Variants in HMGCLL1 observed in about 807,000 individuals in gnomAD.
HMGCLL1 encodes 3-hydroxymethyl-3-methylglutaryl-CoA lyase, cytoplasmic.
A neutral mutation model predicts 39.1 loss-of-function variants in HMGCLL1; 36 were observed. The observed-to-expected ratio is 0.92, with a 90% CI of 0.71 to 1.22. HMGCLL1 has a LOEUF of 1.22. Ranked by LOEUF, HMGCLL1 falls within the 50% of genes most tolerant of loss-of-function variation. HMGCLL1 has a pLI of 0.00. For synonymous variants in HMGCLL1, 149 were observed against 144.0 expected (o/e 1.03, Z -0.25); for missense variants, 451 against 416.5 (o/e 1.08, Z -0.72).
chr6:55,526,519 A>G (rs1209843052), intron 3 of HMGCLL1, among the ~76,000 whole-genome samples: 1 of 152,066 alleles, frequency 6.6e-6, no homozygotes, highest in African/African-American at 2.4e-5. Context: ...AAGATTTAAT[A>G]AATGATTGTT....
chr6:55,476,044 C>T (rs1264363844), intron 7 of HMGCLL1, among the ~76,000 whole-genome samples: 9 of 151,536 alleles, frequency 5.9e-5, no homozygotes, highest in African/African-American at 1.5e-4. Context: ...TTCCCCTTTT[C>T]GATTGCCTTG....
the HMGCLL1 span, among the ~76,000 whole-genome samples, chr6:55,626,603 G>A: frequency 2.6e-5 from 4 of 152,046 alleles, no homozygotes; most frequent in African/African-American, 7.2e-5. Flanking sequence ...ATCAAGGGGT[G>A]GAAGTAGAAG....
intron 1 of HMGCLL1, among the ~76,000 whole-genome samples, chr6:55,553,172 T>TAC (rs567102870): frequency 0.022 from 1,102 of 49,664 alleles, 8 homozygotes; most frequent in African/African-American, 0.044. Flanking sequence ...TATATATATA[T>TAC]ATACATACAC....
chr6:55,667,357 T>A, the HMGCLL1 span, among the ~76,000 whole-genome samples: 1 of 151,848 alleles, frequency 6.6e-6, no homozygotes, highest in African/African-American at 2.4e-5. Context: ...TTACCAAGTG[T>A]GTACTATGTA....
At chr6:55,471,768 A>G (rs534467373) in intron 7 of HMGCLL1, among the ~76,000 whole-genome samples, 18 of 151,744 alleles carry the variant, frequency 1.2e-4, no homozygotes, top group African/African-American at 4.1e-4. Context: ...AATGTTCACA[A>G]AGTTAAAACA....
At position 55,553,121 on chromosome 6, in the gene HMGCLL1, C is replaced by A. The variant is rs568163827; in HGVS notation, c.109-10981G>T. Among the ~76,000 whole-genome samples the A allele has an allele frequency of 2.7e-5, 4 of 150,266 alleles. No individual in the cohort carries two copies. In the South Asian group the frequency reaches 8.4e-4, roughly 32 times the overall value. On this transcript the variant is annotated intron_variant, in intron 1 of 8. Transcript: ENST00000274901. The stretch of plus-strand genomic sequence containing the variant: ...TCGTGCCATTGCACTCCAGCCTGGG[C>A]AACAAGAGCAAAACTCCATCTCTCT...
chr6:55,566,651 C>T (rs1386323613), intron 1 of HMGCLL1: 1 of 455,866 alleles, frequency 2.2e-6, no homozygotes, highest in African/African-American at 2.0e-5. Flanking sequence ...GTCATGTGAA[C>T]ATGCATATTG....
At chr6:55,615,068 A>G in the HMGCLL1 span, among the ~76,000 whole-genome samples, 1 of 152,098 alleles carries the variant, frequency 6.6e-6, no homozygotes, top group Admixed American at 6.6e-5. Context: ...TTTTGTTGCC[A>G]TTTACCAAAT....
the HMGCLL1 span, among the ~76,000 whole-genome samples, chr6:55,671,010 T>G: frequency 6.6e-6 from 1 of 151,828 alleles, no homozygotes; most frequent in East Asian, 1.9e-4. Context: ...ATATAGGCCT[T>G]AGAGAAAAGA....
chr6:55,573,102 A>G (rs1209737486), intron 1 of HMGCLL1, among the ~76,000 whole-genome samples: 1 of 152,198 alleles, frequency 6.6e-6, no homozygotes, highest in Middle Eastern at 3.2e-3. Flanking sequence ...TTTAGTTAGG[A>G]CCTCTGAATG....
At chr6:55,584,569 T>C in the HMGCLL1 span, among the ~76,000 whole-genome samples, 1 of 152,074 alleles carries the variant, frequency 6.6e-6, no homozygotes, top group Non-Finnish European at 1.5e-5. Flanking sequence ...GGGATTTGTG[T>C]TTCAGAGATC....
chr6:55,517,753 G>A (rs1283202830), intron 3 of HMGCLL1, among the ~76,000 whole-genome samples: 1 of 151,950 alleles, frequency 6.6e-6, no homozygotes, highest in Non-Finnish European at 1.5e-5. Flanking sequence ...TCAAATGCCA[G>A]CAGAGTTAAA....
chr6:55,668,911 G>A, the HMGCLL1 span, among the ~76,000 whole-genome samples: 2 of 151,708 alleles, frequency 1.3e-5, no homozygotes, highest in East Asian at 1.9e-4. Flanking sequence ...TCCAGGGAGG[G>A]AAACCTTCCT....
At chr6:55,535,886 C>G (rs562554547) in intron 3 of HMGCLL1, among the ~76,000 whole-genome samples, 1 of 152,294 alleles carries the variant, frequency 6.6e-6, no homozygotes, top group South Asian at 2.1e-4. Flanking sequence ...TTCGTGCACC[C>G]TCACATACAC....
At chr6:55,459,121 A>G (rs1367378505) in intron 7 of HMGCLL1, among the ~76,000 whole-genome samples, 1 of 152,154 alleles carries the variant, frequency 6.6e-6, no homozygotes. Context: ...TAGCTTTTAG[A>G]AGAGCATTTG....
At chr6:55,567,341 TA>T (rs1196535586) in intron 1 of HMGCLL1, among the ~76,000 whole-genome samples, 2 of 152,098 alleles carry the variant, frequency 1.3e-5, no homozygotes, top group African/African-American at 2.4e-5. Flanking sequence ...TGTAAAGTGA[TA>T]GATTAGATAG....
rs543630969 is a variant in HMGCLL1 at position 55,520,153 on chromosome 6, C to T, written c.298-3550G>A. Among the ~76,000 whole-genome samples the T allele has an allele frequency of 4.0e-5, 6 of 150,694 alleles. No individual in the cohort carries two copies. In the South Asian group the frequency reaches 1.1e-3, roughly 26 times the overall value. Reference sequence around the variant, plus strand: ...TAGGAGAAATAGCTAATGTAGATGACGGGTTGATGGGTGCAGCAAACCATC... The same window carrying T: ...TAGGAGAAATAGCTAATGTAGATGATGGGTTGATGGGTGCAGCAAACCATC... On this transcript the variant is annotated intron_variant, in intron 3 of 8. Coordinates refer to ENST00000274901, the MANE Select transcript of HMGCLL1 (RefSeq NM_001042406.2).
At chr6:55,569,042 T>G (rs943640434) in intron 1 of HMGCLL1, among the ~76,000 whole-genome samples, 16 of 151,980 alleles carry the variant, frequency 1.1e-4, no homozygotes, top group African/African-American at 3.9e-4. Flanking sequence ...GAAAGCCAGC[T>G]GGAATCTGAG....
chr6:55,595,878 T>C, the HMGCLL1 span, among the ~76,000 whole-genome samples: 1 of 152,324 alleles, frequency 6.6e-6, no homozygotes, highest in East Asian at 1.9e-4. Context: ...CATGATAACA[T>C]AACATTTACT....
Sources: gnomAD v4.1 joint callset for allele counts (sites outside exome capture counted in the v4.1 genomes callset) on GRCh38, gnomAD v4.1.1 for gene constraint, MANE v1.5 for transcripts, NCBI Gene and HGNC (gene_info 2026-07-23, HGNC 2026-07-21) for gene names.